GPRC5A: variants seen among roughly 807,000 people sequenced by gnomAD.
The protein encoded by GPRC5A is retinoic acid-induced protein 3.
Under a neutral mutation model 22.5 loss-of-function variants are expected in GPRC5A, and 19 were observed. The ratio of observed to expected loss-of-function variants is 0.85; its 90% CI spans 0.59 to 1.24. The LOEUF (loss-of-function observed/expected upper bound fraction) is 1.24, where lower values mean the gene tolerates loss of function less well. Ranked by LOEUF, GPRC5A falls within the 50% of genes most tolerant of loss-of-function variation. The pLI is 0.00. For missense variants in GPRC5A, 471 were observed against 451.1 expected (o/e 1.04, Z -0.40); for synonymous variants, 192 against 184.5 (o/e 1.04, Z -0.33).
At chr12:12,893,737 TTG>T (rs1491395936) in intron 1 of GPRC5A, among the ~76,000 whole-genome samples, 3 of 149,540 alleles carry the variant, frequency 2.0e-5, no homozygotes, top group African/African-American at 7.3e-5. Flanking sequence ...AAAGTGATTT[TTG>T]TTTTGTTTTG....
chr12:12,902,424 TGTTA>T (rs1863898852), intron 1 of GPRC5A, among the ~76,000 whole-genome samples: 1 of 151,954 alleles, frequency 6.6e-6, no homozygotes, highest in African/African-American at 2.4e-5. Flanking sequence ...AAAGGATTCT[TGTTA>T]GTTATTAAAG....
intron 1 of GPRC5A, among the ~76,000 whole-genome samples, chr12:12,896,293 A>G (rs989797936): frequency 1.3e-5 from 2 of 152,198 alleles, no homozygotes; most frequent in African/African-American, 4.8e-5. Flanking sequence ...CTGTGGTGCT[A>G]TGATGACTTA....
At position 12,916,184 on chromosome 12, in the gene GPRC5A, A is replaced by G. The variant is rs545836466; in HGVS notation, c.*3645A>G. 5 of 161,172 alleles carry G rather than the reference A, an allele frequency of 3.1e-5. No individual in the cohort carries two copies. The highest frequency in any genetic ancestry group is 6.4e-5 in the Admixed American group (1 of 15,526). 10.0% of individuals were successfully genotyped at this position (161,172 alleles called of 1,614,324 possible). ...TGTCTCCATCTCTACCTGGGCTGAA[A>G]TGGAATGTGCAAATGTAGCCCAGCC... On this transcript the variant is annotated 3_prime_UTR_variant, in exon 4 of 4. Coordinates refer to ENST00000014914, the MANE Select transcript of GPRC5A (RefSeq NM_003979.4).
Position 12,907,993 on chromosome 12 carries a change from G to A in GPRC5A, c.-7-250G>A, listed in dbSNP as rs116622399. Among the ~76,000 whole-genome samples the A allele has an allele frequency of 8.6e-3, 1,314 of 152,276 alleles. 21 individuals carry two copies. Among genetic ancestry groups the A allele is most frequent in the African/African-American group, 0.03 (1,256 of 41,542 alleles). Reference sequence around the variant, plus strand: ...GAGTGTTAGGTTCTCTGGCTTTAAGGTAAATATTAATATAGTTAAACTGGG... The same window carrying A: ...GAGTGTTAGGTTCTCTGGCTTTAAGATAAATATTAATATAGTTAAACTGGG... On this transcript the variant is annotated intron_variant, in intron 1 of 3. Transcript: ENST00000014914.
intron 1 of GPRC5A, among the ~76,000 whole-genome samples, chr12:12,907,483 A>G (rs770018195): frequency 2.0e-5 from 3 of 152,056 alleles, no homozygotes; most frequent in Admixed American, 6.6e-5. Context: ...ATGCTTACAA[A>G]TGATAACTGT....
chr12:12,906,305 C>T (rs1243762139), intron 1 of GPRC5A, among the ~76,000 whole-genome samples: 2 of 152,174 alleles, frequency 1.3e-5, no homozygotes, highest in African/African-American at 4.8e-5. Context: ...CGGGGTGACT[C>T]AACACCTATA....
Position 12,917,917 on chromosome 12 carries a change from A to G in GPRC5A, c.*5378A>G, listed in dbSNP as rs1320509997. 1 of 150,294 alleles carries G rather than the reference A, an allele frequency of 6.7e-6. No homozygotes were observed. The highest frequency in any genetic ancestry group is 6.6e-5 in the Admixed American group (1 of 15,172). The allele number at this position is 150,294 out of a possible 1,614,324, so 9.3% of individuals were successfully genotyped here. The stretch of plus-strand genomic sequence containing the variant: ...TTCTAATCAGAGACAATAACATTTT[A>G]AATAAAACAACGACAAAGAAGTCTG... On this transcript the variant is annotated 3_prime_UTR_variant, in exon 4 of 4. Transcript: ENST00000014914.
rs12366842 is a variant in GPRC5A at position 12,908,519 on chromosome 12, C to T, written c.270C>T (p.Asp90=). The T allele has an allele frequency of 9.6e-3, 15,441 of 1,614,084 alleles. 115 individuals carry two copies. Among genetic ancestry groups the T allele is most frequent in the African/African-American group, 0.024 (1,782 of 75,024 alleles). Reference sequence around the variant, plus strand: ...CCTTCGCCTTCATCATCGGACTGGACGGGAGCACAGGGCCCACACGCTTCT... The same window carrying T: ...CCTTCGCCTTCATCATCGGACTGGATGGGAGCACAGGGCCCACACGCTTCT... ...GLTFAFIIGL[D]GSTGPTRFFL... Residue 90 remains aspartate (D), a synonymous_variant, in exon 2 of 4, where the codon GAC becomes GAT. Transcript: ENST00000014914.
Position 12,915,821 on chromosome 12 carries a change from G to C in GPRC5A, c.*3282G>C, listed in dbSNP as rs1864059277. 2 of 517,228 alleles carry C rather than the reference G, an allele frequency of 3.9e-6. No individual in the cohort carries two copies. The highest frequency in any genetic ancestry group is 8.0e-6 in the Non-Finnish European group (2 of 248,840). 32.0% of individuals were successfully genotyped at this position (517,228 alleles called of 1,614,324 possible). A position where few individuals can be genotyped will look rare whatever the true frequency, so the allele number is the denominator to read the frequency against. ...ATGAGCCACCGCGCCCGGCCCCGTT[G>C]TTTCCCTTCTAAGAAACGCAGTGGT... On this transcript the variant is annotated 3_prime_UTR_variant, in exon 4 of 4. Coordinates refer to ENST00000014914, the MANE Select transcript of GPRC5A (RefSeq NM_003979.4).
intron 1 of GPRC5A, among the ~76,000 whole-genome samples, chr12:12,906,827 G>C (rs1863946346): frequency 6.6e-6 from 1 of 152,038 alleles, no homozygotes; most frequent in Admixed American, 6.6e-5. Context: ...GGCTGAAGGA[G>C]TTTGAGATCA....
intron 1 of GPRC5A, among the ~76,000 whole-genome samples, chr12:12,907,865 G>A (rs1863959043): frequency 6.6e-6 from 1 of 152,174 alleles, no homozygotes; most frequent in Non-Finnish European, 1.5e-5. Flanking sequence ...GAGAGCAAAT[G>A]ATCCTCCTGC....
chr12:12,909,094 C>T lies in GPRC5A; in HGVS notation c.845C>T (p.Ala282Val), dbSNP rs779180969. Reference protein sequence around the residue: ...RNPMDYPVEDAFCKPQLVKKS... With the variant: ...RNPMDYPVEDVFCKPQLVKKS... ...CCCATGGATTATCCTGTTGAGGATG[C>T]TTTCTGTAAACCTCAACTCGTGAAG... is the stretch of plus-strand genomic sequence containing the variant. The change falls in exon 2 of 4, where the codon GCT (alanine) becomes GTT (valine). Residue 282 changes from alanine to valine, a missense_variant. Transcript: ENST00000014914. 16 of 1,603,114 alleles carry T rather than the reference C, an allele frequency of 1.0e-5. 1 individual carries two copies. The South Asian group carries it at 1.8e-4, about 18-fold the overall frequency.
At position 12,891,596 on chromosome 12, in the gene GPRC5A, G is replaced by A. The variant is rs565524666; in HGVS notation, c.-76G>A. ...GTCCAAGGTCTCCCCCAGCACTGAG[G>A]AGCTCGCCTGCTGCCCTCTTGCGCG... On this transcript the variant is annotated 5_prime_UTR_variant, in exon 1 of 4. Transcript: ENST00000014914. 6.6e-6 allele frequency: 1 copy of A among 152,354 alleles called. No homozygotes were observed. Among genetic ancestry groups the A allele is most frequent in the African/African-American group, 2.4e-5 (1 of 41,560 alleles). 9.4% of individuals were successfully genotyped at this position (152,354 alleles called of 1,614,324 possible).
At chr12:12,900,822 G>A (rs1863875699) in intron 1 of GPRC5A, among the ~76,000 whole-genome samples, 2 of 145,876 alleles carry the variant, frequency 1.4e-5, no homozygotes, top group South Asian at 4.4e-4. Context: ...CCTGGGAGAT[G>A]GTGGTTGCAG....
chr12:12,908,885 C>T lies in GPRC5A; in HGVS notation c.636C>T (p.His212=), dbSNP rs1863974158. 6.2e-7 allele frequency: 1 copy of T among 1,614,204 alleles called. No individual in the cohort carries two copies. Among genetic ancestry groups the T allele is most frequent in the African/African-American group, 1.3e-5 (1 of 75,058 alleles). The part of the protein sequence containing the change: ...SFTGWKRHGA[H]IYLTMLLSIA... The stretch of plus-strand genomic sequence containing the variant: ...CGGGCTGGAAGAGACATGGGGCCCA[C>T]ATCTACCTCACGATGCTCCTCTCCA... Residue 212 remains histidine (H), a synonymous_variant, in exon 2 of 4, where the codon CAC becomes CAT. Transcript: ENST00000014914.
chr12:12,911,952 C>T (rs1263837039), intron 2 of GPRC5A, 132 bp from the exon 3 acceptor site: 1 of 648,008 alleles, frequency 1.5e-6, no homozygotes, highest in African/African-American at 1.8e-5. Context: ...CTCTGTCCCT[C>T]CAAGAAACTT....
At position 12,912,519 on chromosome 12, in the gene GPRC5A, G is replaced by A. The variant is rs368629941; in HGVS notation, c.1054G>A (p.Val352Ile). The change falls in exon 4 of 4, where the codon GTA (valine) becomes ATA (isoleucine). Residue 352 changes from valine to isoleucine, a missense_variant. Coordinates refer to ENST00000014914, the MANE Select transcript of GPRC5A (RefSeq NM_003979.4). ...AWPSPYKDYE[V>I]KKEGS Reference sequence around the variant, plus strand: ...GCCGAGCCCTTACAAAGACTATGAAGTAAAGAAAGAGGGCAGCTAACTCTG... The same window carrying A: ...GCCGAGCCCTTACAAAGACTATGAAATAAAGAAAGAGGGCAGCTAACTCTG... The A allele has an allele frequency of 2.8e-5, 45 of 1,606,218 alleles. No individual in the cohort carries two copies. In the African/African-American group the frequency reaches 5.2e-4, roughly 19 times the overall value.
At chr12:12,901,247 C>G (rs1169745806) in intron 1 of GPRC5A, among the ~76,000 whole-genome samples, 3 of 152,110 alleles carry the variant, frequency 2.0e-5, no homozygotes, top group African/African-American at 7.2e-5. Flanking sequence ...CCAGTTAATC[C>G]CTCCCAGCTT....
intron 2 of GPRC5A, 109 bp downstream of exon 2, chr12:12,909,280 G>A: frequency 2.6e-6 from 2 of 772,158 alleles, no homozygotes; most frequent in Non-Finnish European, 4.1e-6. Flanking sequence ...TTATACCCTT[G>A]ATAGAATAGA....
Sources: gnomAD v4.1 joint callset for allele counts (sites outside exome capture counted in the v4.1 genomes callset) on GRCh38, gnomAD v4.1.1 for gene constraint, MANE v1.5 for transcripts, NCBI Gene and HGNC (gene_info 2026-07-23, HGNC 2026-07-21) for gene names.